SFTPD: variants seen among roughly 807,000 people sequenced by gnomAD.
SFTPD encodes the protein surfactant protein D.
In SFTPD, 18 loss-of-function variants were observed where a neutral mutation model predicts 34.6. That is an observed-to-expected ratio of 0.52 (90% CI 0.36 to 0.77). The LOEUF is 0.77. SFTPD is among the 30% of genes least tolerant of loss of function. The probability of loss-of-function intolerance (pLI) is 0.00; values close to 1 mark genes in which losing one functional copy is unlikely to be tolerated. For synonymous variants in SFTPD, 155 were observed against 180.9 expected (o/e 0.86, Z 1.15); for missense variants, 433 against 468.9 (o/e 0.92, Z 0.71).
At chr10:79,974,610 A>T (rs1842854209) in intron 1 of SFTPD, among the ~76,000 whole-genome samples, 1 of 152,222 alleles carries the variant, frequency 6.6e-6, no homozygotes, top group Non-Finnish European at 1.5e-5. Context: ...CTATGTATAT[A>T]TACCTCTCCA....
chr10:79,979,452 C>G (rs1200292380), intron 1 of SFTPD, among the ~76,000 whole-genome samples: 3 of 152,314 alleles, frequency 2.0e-5, no homozygotes, highest in Admixed American at 1.3e-4. Flanking sequence ...TACACTACCC[C>G]CATTCACTGG....
At chr10:79,970,478 G>A (rs773394003) in intron 1 of SFTPD, 8 of 151,776 alleles carry the variant, frequency 5.3e-5, no homozygotes, top group Non-Finnish European at 7.4e-5. Flanking sequence ...TCATTTTAAC[G>A]GTATTAATTT....
Position 79,938,011 on chromosome 10 carries a change from C to T in SFTPD, c.969G>A (p.Lys323=). The change falls in exon 8 of 8, where the codon AAG becomes AAA. Residue 323 remains lysine, a synonymous_variant. Transcript: ENST00000372292. ...LSMTDSKTEG[K]FTYPTGESLV... ...GGGACTCTCCTGTGGGGTAGGTGAA[C>T]TTGCCCTCTGTCTTGGAATCAGTCA... 4 of 1,613,930 alleles carry T rather than the reference C, an allele frequency of 2.5e-6. No homozygotes were observed. Among genetic ancestry groups the T allele is most frequent in the Admixed American group, 1.7e-5 (1 of 60,018 alleles).
upstream of SFTPD, chr10:79,950,330 T>C (rs192339029): frequency 5.6e-4 from 86 of 152,370 alleles, no homozygotes; most frequent in African/African-American, 2.0e-3. Flanking sequence ...TATTGTCCAT[T>C]CATTTCCATG....
At chr10:79,959,083 T>G (rs1381566133) in intron 1 of SFTPD, among the ~76,000 whole-genome samples, 1 of 151,460 alleles carries the variant, frequency 6.6e-6, no homozygotes, top group Non-Finnish European at 1.5e-5. Context: ...ATAAAGATGT[T>G]CTTTGAAACC....
At chr10:79,980,884 G>A (rs1842886690) in intron 1 of SFTPD, among the ~76,000 whole-genome samples, 4 of 152,134 alleles carry the variant, frequency 2.6e-5, no homozygotes, top group Admixed American at 1.3e-4. Context: ...AGCCCACACT[G>A]AAAAGATTAA....
At chr10:79,967,990 A>G (rs57876130) in intron 1 of SFTPD, among the ~76,000 whole-genome samples, 11,580 of 149,908 alleles carry the variant, frequency 0.077, 882 homozygotes, top group East Asian at 0.39. Context: ...GACTCAGCCC[A>G]CCTGCGCCCA....
At chr10:79,981,759 T>C in intron 1 of SFTPD, 1 of 158,198 alleles carries the variant, frequency 6.3e-6, no homozygotes, top group Non-Finnish European at 1.4e-5. Flanking sequence ...GGAGGATGGC[T>C]GCGGTAGCAG....
chr10:79,975,032 C>G (rs1001012994), intron 1 of SFTPD, among the ~76,000 whole-genome samples: 2 of 151,996 alleles, frequency 1.3e-5, no homozygotes, highest in African/African-American at 4.8e-5. Context: ...TCAAATGTAG[C>G]TATAATATTT....
In SFTPD at chr10:79,946,512, G is replaced by C; in HGVS notation, c.148C>G (p.Arg50Gly). 6.2e-7 allele frequency: 1 copy of C among 1,614,130 alleles called. No homozygotes were observed. Among genetic ancestry groups the C allele is most frequent in the Non-Finnish European group, 8.5e-7 (1 of 1,180,020 alleles). The stretch of plus-strand genomic sequence containing the variant: ...CCCTCTCTCCCATCCCGTCCATCGC[G>C]ACCAGGCAGGCCACTCTCCACTGAG... Reference protein sequence around the residue: ...CSSVESGLPGRDGRDGREGPR... With the variant: ...CSSVESGLPGGDGRDGREGPR... The change falls in exon 2 of 8, where the codon CGC becomes GGC. Residue 50 changes from arginine to glycine, a missense_variant. Arg to Gly is a moderately radical substitution (Grantham distance 125, BLOSUM62 -2). Coordinates refer to ENST00000372292, the MANE Select transcript of SFTPD (RefSeq NM_003019.5).
chr10:79,965,970 TC>T (rs1842801675), intron 1 of SFTPD, among the ~76,000 whole-genome samples: 1 of 37,350 alleles, frequency 2.7e-5, no homozygotes, highest in Non-Finnish European at 4.3e-5. Context: ...ATTTTCTTAA[TC>T]CAGTCTATCA....
chr10:79,978,259 T>A (rs892353327), intron 1 of SFTPD, among the ~76,000 whole-genome samples: 2 of 152,198 alleles, frequency 1.3e-5, no homozygotes, highest in Admixed American at 1.3e-4. Flanking sequence ...AACAATAGTG[T>A]GAAGGAAATA....
chr10:79,964,779 G>T (rs1003554933), intron 1 of SFTPD, among the ~76,000 whole-genome samples: 1 of 152,124 alleles, frequency 6.6e-6, no homozygotes, highest in East Asian at 1.9e-4. Context: ...CCCTGCCCAG[G>T]TCTGGCAAAT....
chr10:79,962,383 T>C (rs1842778617), intron 1 of SFTPD, among the ~76,000 whole-genome samples: 1 of 152,152 alleles, frequency 6.6e-6, no homozygotes, highest in Non-Finnish European at 1.5e-5. Context: ...ATTTTCTCTA[T>C]GTATATGTGA....
chr10:79,947,060 A>G (rs547167963), intron 1 of SFTPD, among the ~76,000 whole-genome samples: 4 of 152,304 alleles, frequency 2.6e-5, no homozygotes, highest in Non-Finnish European at 5.9e-5. Context: ...TCCCTAGACC[A>G]TCTCCCTGTC....
rs1240340504 is a variant in SFTPD, at chr10:79,937,785, G to A, written c.*67C>T. On this transcript the variant is annotated 3_prime_UTR_variant, in exon 8 of 8. Coordinates refer to ENST00000372292, the MANE Select transcript of SFTPD (RefSeq NM_003019.5). ...CTTTTTATTAGGATATTGGCAGCAT[G>A]AGGGTCTAAGCCTTGACTTCTGGCC... 2.1e-6 allele frequency: 3 copies of A among 1,460,866 alleles called. No individual in the cohort carries two copies. Among genetic ancestry groups the A allele is most frequent in the Non-Finnish European group, 2.8e-6 (3 of 1,090,574 alleles). 90.5% of individuals were successfully genotyped at this position (1,460,866 alleles called of 1,614,324 possible). A position where few individuals can be genotyped will look rare whatever the true frequency, so the allele number is the denominator to read the frequency against.
intron 1 of SFTPD, among the ~76,000 whole-genome samples, chr10:79,979,328 C>CA (rs368191448): frequency 0.046 from 7,002 of 152,144 alleles, 190 homozygotes; most frequent in Middle Eastern, 0.092. Context: ...ACTATCCGCA[C>CA]AAAAAAACAC....
chr10:79,959,916 A>G (rs1255395162), intron 1 of SFTPD, among the ~76,000 whole-genome samples: 1 of 152,294 alleles, frequency 6.6e-6, no homozygotes, highest in South Asian at 2.1e-4. Flanking sequence ...GGCAAACCGA[A>G]TCCAGCAGCA....
intron 7 of SFTPD, 21 bp from the exon 8 acceptor site, chr10:79,938,249 G>A (rs778268607): frequency 1.3e-6 from 2 of 1,569,336 alleles, no homozygotes; most frequent in Admixed American, 1.7e-5. Context: ...AAGAAAGTCA[G>A]GTTGGGGTTG....
Sources: allele counts gnomAD v4.1 joint callset (sites outside exome capture counted in the v4.1 genomes callset), GRCh38; gene constraint gnomAD v4.1.1; transcripts MANE v1.5; gene names NCBI Gene and HGNC (gene_info 2026-07-23, HGNC 2026-07-21).